The following ADAMTS19 variants were observed in gnomAD, a reference collection of about 807,000 sequenced individuals.
The protein encoded by ADAMTS19 is ADAM metallopeptidase with thrombospondin type 1 motif 19.
Under a neutral mutation model 153.3 loss-of-function variants are expected in ADAMTS19, and 93 were observed. That is an observed-to-expected ratio of 0.61 (90% CI 0.51 to 0.72). ADAMTS19 has a LOEUF of 0.72. Among genes scored for constraint, ADAMTS19 ranks in the 30% least tolerant of loss-of-function variants. The pLI is 0.00. For synonymous variants in ADAMTS19, 600 were observed against 556.6 expected, an observed-to-expected ratio of 1.08 and a Z score of -1.10; for missense variants, 1,482 against 1,552.1, an observed-to-expected ratio of 0.95 and a Z score of 0.76.
chr5:129,540,063 G>A (rs192619099), intron 6 of ADAMTS19, among the ~76,000 whole-genome samples: 4 of 152,218 alleles, frequency 2.6e-5, no homozygotes, highest in Admixed American at 2.6e-4. Context: ...AGAAAGCTGT[G>A]AAAAATAGAA....
In ADAMTS19 at chr5:129,461,073, C is replaced by A; in HGVS notation, c.92-29C>A. 1 of 1,354,716 alleles carries A rather than the reference C, an allele frequency of 7.4e-7. No individual in the cohort carries two copies. The highest frequency in any genetic ancestry group is 9.5e-7 in the Non-Finnish European group (1 of 1,057,622). 83.9% of individuals were successfully genotyped at this position (1,354,716 alleles called of 1,614,324 possible). On this transcript the variant is annotated intron_variant, in intron 1 of 22. Transcript: ENST00000274487. This position sits in a 1 kb window ranked among gnomAD's most constrained non-coding sequence, Gnocchi z 4.6. Reference sequence around the variant, plus strand: ...GCTACTGGAACCGCGGCACTTTAAGCCCCGCACTTCTGTCTGCCCCGCCCG... The same window carrying A: ...GCTACTGGAACCGCGGCACTTTAAGACCCGCACTTCTGTCTGCCCCGCCCG...
chr5:129,605,118 C>G (rs2126938468), intron 8 of ADAMTS19, among the ~76,000 whole-genome samples: 1 of 152,270 alleles, frequency 6.6e-6, no homozygotes, highest in Non-Finnish European at 1.5e-5. Context: ...TTATAGTAGC[C>G]TCTTAAATAA....
chr5:129,721,062 T>A (rs534110055), intron 21 of ADAMTS19, among the ~76,000 whole-genome samples: 1 of 152,222 alleles, frequency 6.6e-6, no homozygotes, highest in Non-Finnish European at 1.5e-5. Context: ...ATTTGGGCAC[T>A]TTAGAAATTT....
intron 6 of ADAMTS19, among the ~76,000 whole-genome samples, chr5:129,540,513 T>C (rs1207965832): frequency 6.6e-6 from 1 of 152,092 alleles, no homozygotes; most frequent in Non-Finnish European, 1.5e-5. Flanking sequence ...AAAATTCAAT[T>C]TTATTAATGA....
chr5:129,493,092 C>T (rs1750819613), intron 2 of ADAMTS19, among the ~76,000 whole-genome samples: 1 of 152,020 alleles, frequency 6.6e-6, no homozygotes, highest in African/African-American at 2.4e-5. Context: ...GAATAAATTA[C>T]AAGAAGTGTA....
intron 6 of ADAMTS19, among the ~76,000 whole-genome samples, chr5:129,550,820 G>T (rs955942550): frequency 6.6e-6 from 1 of 151,498 alleles, no homozygotes; most frequent in East Asian, 1.9e-4. Context: ...AAAGCCTATT[G>T]TAATATTGTT....
chr5:129,624,152 A>AG (rs1454190044), intron 10 of ADAMTS19, among the ~76,000 whole-genome samples: 1 of 148,758 alleles, frequency 6.7e-6, no homozygotes, highest in East Asian at 2.0e-4. Flanking sequence ...AAAAAAAAAA[A>AG]AGGCTGTACG....
intron 17 of ADAMTS19, among the ~76,000 whole-genome samples, chr5:129,682,091 T>C (rs970153116): frequency 2.6e-5 from 4 of 152,142 alleles, no homozygotes; most frequent in African/African-American, 9.7e-5. Context: ...ACCTTAGTGT[T>C]GGGTGGAGGG....
intron 5 of ADAMTS19, 114 bp from the exon 6 acceptor site, chr5:129,528,406 T>A: frequency 1.3e-6 from 1 of 751,604 alleles, no homozygotes. Context: ...ATTAATGTTA[T>A]GGTCAGCAGT....
At chr5:129,641,758 AT>A (rs1391039313) in intron 10 of ADAMTS19, 100 bp from the exon 11 acceptor site, 24 of 590,014 alleles carry the variant, frequency 4.1e-5, no homozygotes, top group Non-Finnish European at 5.6e-6. Context: ...TCTTCAAATA[AT>A]TTTTGTTATT....
At chr5:129,683,014 A>T (rs1754893190) in intron 17 of ADAMTS19, among the ~76,000 whole-genome samples, 1 of 152,118 alleles carries the variant, frequency 6.6e-6, no homozygotes, top group African/African-American at 2.4e-5. Context: ...TGATGCAGGT[A>T]AAATACTAAA....
chr5:129,579,076 T>C (rs1434522957), intron 7 of ADAMTS19, among the ~76,000 whole-genome samples: 2 of 152,202 alleles, frequency 1.3e-5, no homozygotes, highest in Admixed American at 1.3e-4. Flanking sequence ...AAAGCATTCC[T>C]GTTTCTCCAC....
chr5:129,476,650 G>A (rs1311466228), intron 2 of ADAMTS19, among the ~76,000 whole-genome samples: 1 of 152,022 alleles, frequency 6.6e-6, no homozygotes, highest in Non-Finnish European at 1.5e-5. Flanking sequence ...TCTCCTCTCT[G>A]GTAATGTAAG....
intron 13 of ADAMTS19, among the ~76,000 whole-genome samples, chr5:129,652,268 G>A (rs1053652050): frequency 3.9e-5 from 6 of 152,112 alleles, no homozygotes; most frequent in South Asian, 2.1e-4. Flanking sequence ...GTATTATAGC[G>A]CTGTGGAAGA....
chr5:129,613,350 G>T (rs925367686), intron 8 of ADAMTS19, among the ~76,000 whole-genome samples: 1 of 152,136 alleles, frequency 6.6e-6, no homozygotes, highest in African/African-American at 2.4e-5. Flanking sequence ...AGACCACAGT[G>T]CAATCAAACT....
At chr5:129,518,030 A>G (rs1418519593) in intron 3 of ADAMTS19, among the ~76,000 whole-genome samples, 1 of 152,132 alleles carries the variant, frequency 6.6e-6, no homozygotes, top group Non-Finnish European at 1.5e-5. Context: ...ACCTGATAAC[A>G]TCTTAACAGT....
At position 129,677,816 on chromosome 5, in the gene ADAMTS19, T is replaced by TC. The variant is rs1255214511; in HGVS notation, c.2507-1941dup. Among the ~76,000 whole-genome samples, 11 of 151,532 alleles carry TC rather than the reference T, an allele frequency of 7.3e-5. 1 individual carries two copies. The highest frequency in any genetic ancestry group is 5.9e-4 in the East Asian group (3 of 5,098). The stretch of plus-strand genomic sequence containing the variant: ...TTCGAAATACTTTAAAGCTTTACTT[T>TC]CCCCCCCACCCCGCCAGACCACATC... On this transcript the variant is annotated intron_variant, in intron 16 of 22. Coordinates refer to ENST00000274487, the MANE Select transcript of ADAMTS19 (RefSeq NM_133638.6).
intron 8 of ADAMTS19, among the ~76,000 whole-genome samples, chr5:129,610,093 TTATATATATATA>T (rs10618467): frequency 6.7e-6 from 1 of 150,160 alleles, no homozygotes; most frequent in Non-Finnish European, 1.5e-5. Context: ...GGTAGTGGTA[TTATATATATATA>T]TATATATATT....
At chr5:129,489,841 G>C (rs954110410) in intron 2 of ADAMTS19, among the ~76,000 whole-genome samples, 1 of 152,018 alleles carries the variant, frequency 6.6e-6, no homozygotes, top group East Asian at 1.9e-4. Flanking sequence ...TTCCTATTAA[G>C]AATCAGTAAG....
Sources: gnomAD v4.1 joint callset for allele counts (sites outside exome capture counted in the v4.1 genomes callset) on GRCh38, gnomAD v4.1.1 for gene constraint, Gnocchi (gnomAD v3.1) non-coding constraint, MANE v1.5 for transcripts, NCBI Gene and HGNC (gene_info 2026-07-23, HGNC 2026-07-21) for gene names.